The following SGCZ variants were observed in gnomAD, a reference collection of about 807,000 sequenced individuals.
SGCZ encodes sarcoglycan zeta, also known as zeta-sarcoglycan.
Under a neutral mutation model 41.3 loss-of-function variants are expected in SGCZ, and 40 were observed. The ratio of observed to expected loss-of-function variants is 0.97; its 90% CI spans 0.75 to 1.26. The LOEUF (loss-of-function observed/expected upper bound fraction) is 1.26. Ranked by LOEUF, SGCZ falls within the 50% of genes most tolerant of loss-of-function variation. SGCZ has a pLI of 0.00. For missense variants in SGCZ, 552 were observed against 369.8 expected (o/e 1.49, Z -4.04); for synonymous variants, 206 against 137.5 (o/e 1.50, Z -3.49).
intron 1 of SGCZ, among the ~76,000 whole-genome samples, chr8:14,987,850 C>T (rs77500479): frequency 0.02 from 2,971 of 152,046 alleles, 66 homozygotes; most frequent in South Asian, 0.1. Context: ...TCAATTAATA[C>T]GTGTATTAAA....
intron 4 of SGCZ, among the ~76,000 whole-genome samples, chr8:14,175,632 C>T (rs1804520020): frequency 6.6e-6 from 1 of 151,834 alleles, no homozygotes; most frequent in African/African-American, 2.4e-5. Context: ...TGTTTAAAAA[C>T]ACTATTAATA....
Position 14,489,916 on chromosome 8 carries a change from G to T in SGCZ, c.234+64816C>A, listed in dbSNP as rs573820207. Among the ~76,000 whole-genome samples, 7 of 140,324 alleles carry T rather than the reference G, an allele frequency of 5.0e-5. No individual in the cohort carries two copies. The South Asian group carries it at 1.6e-3, about 32-fold the overall frequency. 92.1% of individuals were successfully genotyped at this position (140,324 alleles called of 152,430 possible). A position where few individuals can be genotyped will look rare whatever the true frequency, so the allele number is the denominator to read the frequency against. Reference sequence around the variant, plus strand: ...GAGTCTCGCTCTGTCGCCCAGACTGGAGTACAAGTGGCACGATCTTGGCTC... The same window carrying T: ...GAGTCTCGCTCTGTCGCCCAGACTGTAGTACAAGTGGCACGATCTTGGCTC... On this transcript the variant is annotated intron_variant, in intron 2 of 7. Coordinates refer to ENST00000382080, the MANE Select transcript of SGCZ (RefSeq NM_139167.4).
At chr8:14,256,841 T>C (rs1205505022) in intron 3 of SGCZ, among the ~76,000 whole-genome samples, 3 of 152,214 alleles carry the variant, frequency 2.0e-5, no homozygotes, top group Admixed American at 6.5e-5. Flanking sequence ...TTACTCTTAC[T>C]TTAATTACAG....
chr8:14,197,334 A>T (rs1805297349), intron 4 of SGCZ, among the ~76,000 whole-genome samples: 1 of 152,126 alleles, frequency 6.6e-6, no homozygotes, highest in Non-Finnish European at 1.5e-5. Flanking sequence ...ACACAGCTAC[A>T]ACAAGAAGGT....
intron 1 of SGCZ, among the ~76,000 whole-genome samples, chr8:14,793,078 A>G (rs1801007880): frequency 6.6e-6 from 1 of 152,176 alleles, no homozygotes; most frequent in South Asian, 2.1e-4. Flanking sequence ...CCATGTTCCT[A>G]TTTGATTTCT....
intron 1 of SGCZ, among the ~76,000 whole-genome samples, chr8:15,168,011 C>A (rs1799715145): frequency 6.6e-6 from 1 of 152,200 alleles, no homozygotes; most frequent in African/African-American, 2.4e-5. Flanking sequence ...CAATAACACC[C>A]AAATCTTTGC....
chr8:15,113,123 C>G (rs56259177), intron 1 of SGCZ, among the ~76,000 whole-genome samples: 1 of 150,598 alleles, frequency 6.6e-6, no homozygotes. Context: ...GTGGGAGCAG[C>G]GCTTGAGTCC....
chr8:14,330,700 C>G (rs1802286719), intron 2 of SGCZ, among the ~76,000 whole-genome samples: 1 of 152,034 alleles, frequency 6.6e-6, no homozygotes, highest in Non-Finnish European at 1.5e-5. Flanking sequence ...ACTCCCTCCT[C>G]TTGAGTTACC....
chr8:14,367,689 A>G (rs902980566), intron 2 of SGCZ, among the ~76,000 whole-genome samples: 1 of 152,020 alleles, frequency 6.6e-6, no homozygotes, highest in East Asian at 1.9e-4. Context: ...ATCAGTTCTC[A>G]TGAGAATTCA....
At chr8:14,241,656 G>A (rs577423966) in intron 3 of SGCZ, among the ~76,000 whole-genome samples, 4 of 151,668 alleles carry the variant, frequency 2.6e-5, no homozygotes, top group South Asian at 2.1e-4. Flanking sequence ...AAGCTGACCC[G>A]AACTTGCCTC....
At chr8:14,683,255 A>G (rs1375567129) in intron 1 of SGCZ, among the ~76,000 whole-genome samples, 1 of 152,186 alleles carries the variant, frequency 6.6e-6, no homozygotes, top group Non-Finnish European at 1.5e-5. Context: ...ATTACAATCC[A>G]TTTTATACCC....
chr8:14,711,021 T>G lies in SGCZ; in HGVS notation c.40-156095A>C, dbSNP rs571682388. Among the ~76,000 whole-genome samples, 4 of 152,298 alleles carry G rather than the reference T, an allele frequency of 2.6e-5. No individual in the cohort carries two copies. In the South Asian group the frequency reaches 8.3e-4, roughly 32 times the overall value. Reference sequence around the variant, plus strand: ...GTTTTCATAGGACGTATGACATATATACCCTTTTAATGACAATAAAAGATT... The same window carrying G: ...GTTTTCATAGGACGTATGACATATAGACCCTTTTAATGACAATAAAAGATT... On this transcript the variant is annotated intron_variant, in intron 1 of 7. Coordinates refer to ENST00000382080, the MANE Select transcript of SGCZ (RefSeq NM_139167.4).
At chr8:14,327,504 T>C (rs958291853) in intron 2 of SGCZ, among the ~76,000 whole-genome samples, 1 of 152,196 alleles carries the variant, frequency 6.6e-6, no homozygotes, top group African/African-American at 2.4e-5. Flanking sequence ...GGAGACTATT[T>C]CAGAGCAATG....
intron 1 of SGCZ, among the ~76,000 whole-genome samples, chr8:14,636,735 C>T (rs1451239162): frequency 6.6e-6 from 1 of 151,728 alleles, no homozygotes; most frequent in Non-Finnish European, 1.5e-5. Flanking sequence ...TGGGAAGTAA[C>T]TTAAACCTTA....
chr8:14,496,772 A>C (rs1249331298), intron 2 of SGCZ, among the ~76,000 whole-genome samples: 1 of 151,854 alleles, frequency 6.6e-6, no homozygotes. Context: ...TAGGTTCTTT[A>C]CTCTTAAAGA....
At chr8:14,740,563 A>G (rs774971288) in intron 1 of SGCZ, among the ~76,000 whole-genome samples, 4 of 151,976 alleles carry the variant, frequency 2.6e-5, no homozygotes, top group Non-Finnish European at 4.4e-5. Context: ...TTGTTTTTAA[A>G]TCTCCTTCTC....
intron 1 of SGCZ, chr8:14,879,722 T>A (rs1804510821): frequency 6.6e-6 from 1 of 152,010 alleles, no homozygotes; most frequent in Non-Finnish European, 1.5e-5. Flanking sequence ...ACCAGCCTAC[T>A]ATGCACATGA....
intron 1 of SGCZ, among the ~76,000 whole-genome samples, chr8:14,925,600 T>C (rs1379720862): frequency 6.6e-6 from 1 of 152,168 alleles, no homozygotes; most frequent in Non-Finnish European, 1.5e-5. Flanking sequence ...AGACATTAAG[T>C]GTAATGGCAA....
chr8:14,192,366 TG>T (rs1185618052), intron 4 of SGCZ, among the ~76,000 whole-genome samples: 3 of 151,924 alleles, frequency 2.0e-5, no homozygotes. Flanking sequence ...TTTTCTTCTT[TG>T]TAACACATAA....
Sources: gnomAD v4.1 joint callset for allele counts (sites outside exome capture counted in the v4.1 genomes callset) on GRCh38, gnomAD v4.1.1 for gene constraint, MANE v1.5 for transcripts, NCBI Gene and HGNC (gene_info 2026-07-23, HGNC 2026-07-21) for gene names.